Variants in PRKCE observed in about 807,000 individuals in gnomAD.
PRKCE encodes the protein protein kinase C epsilon type.
In PRKCE, 16 loss-of-function variants were observed where a neutral mutation model predicts 85.4. That is an observed-to-expected ratio of 0.19 (90% CI 0.13 to 0.28). The LOEUF (loss-of-function observed/expected upper bound fraction) is 0.28. Ranked by LOEUF, PRKCE falls within the 10% of genes least tolerant of loss-of-function variation. The pLI is 1.00. For synonymous variants in PRKCE, 388 were observed against 371.5 expected (o/e 1.04, Z -0.51); for missense variants, 573 against 975.2 (o/e 0.59, Z 5.49).
At chr2:45,809,949 C>A (rs1688536375) in intron 1 of PRKCE, among the ~76,000 whole-genome samples, 1 of 151,956 alleles carries the variant, frequency 6.6e-6, no homozygotes, top group Non-Finnish European at 1.5e-5. Flanking sequence ...ATAAAGGTCA[C>A]CTAGGCTCCT....
chr2:45,786,106 A>G lies in PRKCE; in HGVS notation c.349-56894A>G, dbSNP rs1416539841. Among the ~76,000 whole-genome samples the G allele has an allele frequency of 6.6e-6, 1 of 152,136 alleles. No homozygotes were observed. The highest frequency in any genetic ancestry group is 1.5e-5 in the Non-Finnish European group (1 of 68,008). ...TCTCCAGGGACCTATGGCCTTCCATAGGCACCTGCTGGGGATCTTTATTTG... is the reference window on the plus strand; with the variant it reads ...TCTCCAGGGACCTATGGCCTTCCATGGGCACCTGCTGGGGATCTTTATTTG... On this transcript the variant is annotated intron_variant, in intron 1 of 14. Transcript: ENST00000306156. This position sits in a 1 kb window ranked among gnomAD's most constrained non-coding sequence, Gnocchi z 5.3.
chr2:45,732,282 G>A (rs144167986), intron 1 of PRKCE, among the ~76,000 whole-genome samples: 1 of 152,228 alleles, frequency 6.6e-6, no homozygotes, highest in African/African-American at 2.4e-5. Flanking sequence ...TTCTATAGGT[G>A]AGCCCTGAAT....
chr2:45,658,002 T>C (rs1249912350), intron 1 of PRKCE, among the ~76,000 whole-genome samples: 2 of 152,208 alleles, frequency 1.3e-5, no homozygotes, highest in Non-Finnish European at 2.9e-5. Context: ...TATGTTACTC[T>C]AGAGCACATC....
intron 4 of PRKCE, among the ~76,000 whole-genome samples, chr2:45,979,601 C>T (rs923220135): frequency 7.2e-5 from 11 of 152,086 alleles, no homozygotes; most frequent in African/African-American, 2.7e-4. Flanking sequence ...CATGGTCATG[C>T]GGTGGTTTTG....
intron 2 of PRKCE, among the ~76,000 whole-genome samples, chr2:45,942,363 C>T (rs1465690070): frequency 6.6e-6 from 1 of 152,116 alleles, no homozygotes; most frequent in Non-Finnish European, 1.5e-5. Flanking sequence ...TGATGACTTC[C>T]AAATTGTGCA....
At chr2:46,112,667 G>T (rs1157917116) in intron 11 of PRKCE, among the ~76,000 whole-genome samples, 5 of 151,810 alleles carry the variant, frequency 3.3e-5, no homozygotes, top group African/African-American at 4.8e-5. Flanking sequence ...TTACAGGCAC[G>T]TGCCACCATG....
chr2:45,734,948 T>C (rs1179115750), intron 1 of PRKCE, among the ~76,000 whole-genome samples: 4 of 152,262 alleles, frequency 2.6e-5, no homozygotes, highest in Admixed American at 6.5e-5. Flanking sequence ...CCTAGGACTT[T>C]TGTTACAGCT....
At chr2:45,687,155 G>A (rs565263918) in intron 1 of PRKCE, among the ~76,000 whole-genome samples, 1 of 152,114 alleles carries the variant, frequency 6.6e-6, no homozygotes, top group East Asian at 1.9e-4. Context: ...GTCCATGAAA[G>A]CTTCATGGAC....
In PRKCE at chr2:46,138,412, C is replaced by T. The variant is rs78576399; in HGVS notation, c.1593-6681C>T. The stretch of plus-strand genomic sequence containing the variant: ...AGCCATGTGACCTCAGACAAGTTAC[C>T]TTTTCTGAGCCTCAGTTTCCTCATA... On this transcript the variant is annotated intron_variant, in intron 11 of 14. Coordinates refer to ENST00000306156, the MANE Select transcript of PRKCE (RefSeq NM_005400.3). The surrounding 1 kb of genome is among the most constrained non-coding windows in gnomAD (Gnocchi z 4.2). Among the ~76,000 whole-genome samples the T allele has an allele frequency of 5.9e-3, 895 of 152,330 alleles. 5 individuals carry two copies. Among genetic ancestry groups the T allele is most frequent in the South Asian group, 0.014 (66 of 4,824 alleles).
chr2:46,043,648 A>T (rs910498804), intron 10 of PRKCE, among the ~76,000 whole-genome samples: 8 of 152,228 alleles, frequency 5.3e-5, no homozygotes, highest in South Asian at 4.2e-4. Flanking sequence ...GGAAGGGGAG[A>T]TGGAGCAGGG....
At chr2:45,964,719 AAC>A (rs1249836464) in intron 2 of PRKCE, among the ~76,000 whole-genome samples, 1 of 152,242 alleles carries the variant, frequency 6.6e-6, no homozygotes, top group Non-Finnish European at 1.5e-5. Flanking sequence ...CTTTGTGTTC[AAC>A]ACAGTGTGCT....
At chr2:45,926,708 C>T (rs557207447) in intron 2 of PRKCE, among the ~76,000 whole-genome samples, 23 of 152,258 alleles carry the variant, frequency 1.5e-4, no homozygotes, top group East Asian at 1.4e-3. Context: ...CATGGACAGC[C>T]GTGGCTAGAA....
At chr2:46,072,254 T>C (rs1668144598) in intron 10 of PRKCE, among the ~76,000 whole-genome samples, 1 of 152,242 alleles carries the variant, frequency 6.6e-6, no homozygotes, top group African/African-American at 2.4e-5. Context: ...TTTAAAACAA[T>C]GTGATCAAGT....
intron 1 of PRKCE, among the ~76,000 whole-genome samples, chr2:45,842,380 C>T (rs1691425688): frequency 6.6e-6 from 1 of 152,118 alleles, no homozygotes; most frequent in African/African-American, 2.4e-5. Flanking sequence ...AGCATTGTTC[C>T]CCATTTTTTA....
At chr2:45,893,872 T>A (rs1317416437) in intron 2 of PRKCE, among the ~76,000 whole-genome samples, 1 of 152,156 alleles carries the variant, frequency 6.6e-6, no homozygotes, top group Non-Finnish European at 1.5e-5. Flanking sequence ...CTCTTTGCAC[T>A]GTGCCAGGCA....
chr2:46,036,326 C>A (rs1707855903), intron 10 of PRKCE, among the ~76,000 whole-genome samples: 1 of 152,144 alleles, frequency 6.6e-6, no homozygotes, highest in African/African-American at 2.4e-5. Context: ...CCTGTAATGC[C>A]AGCACTTTGG....
chr2:46,119,369 C>A (rs1345296038), intron 11 of PRKCE, among the ~76,000 whole-genome samples: 1 of 151,518 alleles, frequency 6.6e-6, no homozygotes, highest in African/African-American at 2.4e-5. Flanking sequence ...TTAGGGCATT[C>A]TTTACTCTAG....
At chr2:45,703,955 A>C (rs1678897129) in intron 1 of PRKCE, among the ~76,000 whole-genome samples, 1 of 152,240 alleles carries the variant, frequency 6.6e-6, no homozygotes. Context: ...GGGTAGAGTA[A>C]TGCAGATTTA....
chr2:45,769,464 G>C (rs1411307392), intron 1 of PRKCE, among the ~76,000 whole-genome samples: 1 of 152,112 alleles, frequency 6.6e-6, no homozygotes, highest in East Asian at 1.9e-4. Context: ...ATGGTTGTGT[G>C]TACACTCATT....
Sources: allele counts gnomAD v4.1 joint callset (sites outside exome capture counted in the v4.1 genomes callset), GRCh38; gene constraint gnomAD v4.1.1; non-coding constraint Gnocchi (gnomAD v3.1); transcripts MANE v1.5; gene names NCBI Gene and HGNC (gene_info 2026-07-23, HGNC 2026-07-21).